NPFFR2: variants seen among roughly 807,000 people sequenced by gnomAD.
NPFFR2 encodes G-protein coupled receptor 74.
In NPFFR2, 15 loss-of-function variants were observed where a neutral mutation model predicts 13.1. The observed-to-expected ratio is 1.15, with a 90% CI of 0.77 to 1.76. The LOEUF is 1.76. Ranked by LOEUF, NPFFR2 falls within the 40% of genes most tolerant of loss-of-function variation. NPFFR2 has a pLI of 0.00. For missense variants in NPFFR2, 572 were observed against 503.5 expected (o/e 1.14, Z -1.30); for synonymous variants, 190 against 175.7 (o/e 1.08, Z -0.65).
chr4:72,080,869 C>G (rs908348996), intron 1 of NPFFR2, among the ~76,000 whole-genome samples: 1 of 146,936 alleles, frequency 6.8e-6, no homozygotes, highest in African/African-American at 2.7e-5. Flanking sequence ...ACTCCACCAG[C>G]TCTTCTTCCC....
intron 1 of NPFFR2, among the ~76,000 whole-genome samples, chr4:72,104,509 C>A (rs1197492402): frequency 6.6e-6 from 1 of 151,936 alleles, no homozygotes. Flanking sequence ...GCTTAAATAC[C>A]CCGTGCCTAA....
chr4:72,122,633 A>C (rs376819749), intron 1 of NPFFR2, among the ~76,000 whole-genome samples: 5 of 152,336 alleles, frequency 3.3e-5, no homozygotes, highest in African/African-American at 9.6e-5. Flanking sequence ...GAAACCGAAC[A>C]TTCTGCTCCC....
At chr4:72,081,644 C>T (rs1255933637) in intron 1 of NPFFR2, among the ~76,000 whole-genome samples, 8 of 151,992 alleles carry the variant, frequency 5.3e-5, no homozygotes. Flanking sequence ...CATGCCACCA[C>T]ACCTGGCTAA....
chr4:72,108,782 G>C (rs1721486060), intron 1 of NPFFR2, among the ~76,000 whole-genome samples: 1 of 151,816 alleles, frequency 6.6e-6, no homozygotes, highest in Admixed American at 6.6e-5. Flanking sequence ...CATTTAATTA[G>C]TGTTTATCTT....
chr4:72,133,150 C>T (rs1214605084), intron 2 of NPFFR2, among the ~76,000 whole-genome samples: 8 of 152,054 alleles, frequency 5.3e-5, no homozygotes, highest in Middle Eastern at 3.2e-3. Flanking sequence ...CCTTTAAGTC[C>T]TTAATCCATC....
At chr4:72,086,201 G>T (rs1358461788) in intron 1 of NPFFR2, among the ~76,000 whole-genome samples, 1 of 152,008 alleles carries the variant, frequency 6.6e-6, no homozygotes, top group Non-Finnish European at 1.5e-5. Context: ...TTATATTGAA[G>T]GTTGAAAATA....
intron 1 of NPFFR2, among the ~76,000 whole-genome samples, chr4:72,074,815 G>C (rs1158384694): frequency 1.3e-5 from 2 of 152,210 alleles, no homozygotes; most frequent in East Asian, 3.9e-4. Flanking sequence ...CAAATAAGTT[G>C]AAAGGTTGAA....
At chr4:72,107,191 C>T (rs191310377) in intron 1 of NPFFR2, among the ~76,000 whole-genome samples, 6 of 151,722 alleles carry the variant, frequency 4.0e-5, no homozygotes, top group African/African-American at 9.7e-5. Context: ...AAATATCTCT[C>T]ACAAAGGGAG....
At chr4:72,052,387 A>T (rs1421734564) in intron 1 of NPFFR2, among the ~76,000 whole-genome samples, 1 of 145,056 alleles carries the variant, frequency 6.9e-6, no homozygotes. Context: ...AGAACCAAAG[A>T]CAAAAACCAC....
Position 72,104,799 on chromosome 4 carries a change from T to C in NPFFR2, c.-7-23786T>C, listed in dbSNP as rs114712440. ...TATTAATATCAAAGGAATATTTAAG[T>C]TACAGGAGAATTAGTATGAAATATA... On this transcript the variant is annotated intron_variant, in intron 1 of 3. Coordinates refer to ENST00000308744, the MANE Select transcript of NPFFR2 (RefSeq NM_004885.3). 2.9e-3 allele frequency among the ~76,000 whole-genome samples: 445 copies of C among 152,038 alleles called. 1 individual carries two copies. Among genetic ancestry groups the C allele is most frequent in the African/African-American group, 0.011 (437 of 41,482 alleles).
At chr4:72,061,031 A>G (rs139695554) in intron 1 of NPFFR2, among the ~76,000 whole-genome samples, 252 of 152,298 alleles carry the variant, frequency 1.7e-3, no homozygotes, top group African/African-American at 5.7e-3. Flanking sequence ...TATGCTCACA[A>G]AAGCATTAGA....
intron 1 of NPFFR2, among the ~76,000 whole-genome samples, chr4:72,065,991 T>G (rs1720059005): frequency 6.6e-6 from 1 of 152,180 alleles, no homozygotes; most frequent in Non-Finnish European, 1.5e-5. Context: ...TTGTTATATC[T>G]CTCCACCTGT....
chr4:72,122,607 A>C (rs1253405465), intron 1 of NPFFR2, among the ~76,000 whole-genome samples: 1 of 152,196 alleles, frequency 6.6e-6, no homozygotes, highest in Non-Finnish European at 1.5e-5. Context: ...CTCACTCAAA[A>C]CTGCACAACT....
At chr4:72,066,326 A>T (rs4458425) in intron 1 of NPFFR2, among the ~76,000 whole-genome samples, 136,886 of 152,160 alleles carry the variant, frequency 0.9, 62,541 homozygotes, top group Non-Finnish European at 0.98. Context: ...CCCACCTCTT[A>T]ATACCATCTC....
At chr4:72,135,395 C>A (rs796973876) in intron 2 of NPFFR2, among the ~76,000 whole-genome samples, 2 of 152,008 alleles carry the variant, frequency 1.3e-5, no homozygotes, top group African/African-American at 4.8e-5. Context: ...ATTAGAGATT[C>A]TGGATTGCTC....
intron 1 of NPFFR2, among the ~76,000 whole-genome samples, chr4:72,067,600 T>G (rs1028731487): frequency 7.2e-6 from 1 of 139,548 alleles, no homozygotes; most frequent in African/African-American, 2.6e-5. Context: ...ATTTTACTTT[T>G]GTTTTAACTA....
chr4:72,074,994 T>C (rs1169807014), intron 1 of NPFFR2, among the ~76,000 whole-genome samples: 1 of 152,128 alleles, frequency 6.6e-6, no homozygotes, highest in Admixed American at 6.6e-5. Flanking sequence ...TTTTTTGTGA[T>C]GGTTAATACT....
intron 1 of NPFFR2, among the ~76,000 whole-genome samples, chr4:72,047,773 A>T (rs1216292894): frequency 6.6e-6 from 1 of 152,226 alleles, no homozygotes; most frequent in Non-Finnish European, 1.5e-5. Flanking sequence ...GTTGGGTCTT[A>T]CAGAGTATTT....
chr4:72,048,743 T>TATCTTC (rs1719456648), intron 1 of NPFFR2, among the ~76,000 whole-genome samples: 1 of 151,986 alleles, frequency 6.6e-6, no homozygotes, highest in Non-Finnish European at 1.5e-5. Flanking sequence ...ACTTATCTTT[T>TATCTTC]TTTTTCAATA....
Sources: gnomAD v4.1 joint callset for allele counts (sites outside exome capture counted in the v4.1 genomes callset) on GRCh38, gnomAD v4.1.1 for gene constraint, MANE v1.5 for transcripts, NCBI Gene and HGNC (gene_info 2026-07-23, HGNC 2026-07-21) for gene names.